TMC1: variants seen among roughly 807,000 people sequenced by gnomAD.
The protein encoded by TMC1 is transmembrane channel-like protein 1.
Under a neutral mutation model 105.8 loss-of-function variants are expected in TMC1, and 84 were observed. That is an observed-to-expected ratio of 0.79 (90% CI 0.67 to 0.95). TMC1 has a LOEUF of 0.95. Among genes scored for constraint, TMC1 ranks in the 40% least tolerant of loss-of-function variants. The pLI is 0.00. For synonymous variants in TMC1, 315 were observed against 311.5 expected, an observed-to-expected ratio of 1.01 and a Z score of -0.12; for missense variants, 817 against 914.1, an observed-to-expected ratio of 0.89 and a Z score of 1.37.
chr9:72,769,145 C>T (rs927533677), intron 12 of TMC1, among the ~76,000 whole-genome samples: 6 of 152,236 alleles, frequency 3.9e-5, no homozygotes. Context: ...GACACTGTCA[C>T]TCATTAGTCA....
chr9:72,838,208 A>C lies in TMC1; in HGVS notation c.*2235A>C, dbSNP rs1478248298. The C allele has an allele frequency of 6.6e-6, 1 of 152,258 alleles. No homozygotes were observed. The highest frequency in any genetic ancestry group is 1.5e-5 in the Non-Finnish European group (1 of 68,040). 9.4% of individuals were successfully genotyped at this position (152,258 alleles called of 1,614,324 possible). A position where few individuals can be genotyped will look rare whatever the true frequency, so the allele number is the denominator to read the frequency against. ...GAAAACATTTTACTATGATGTAAGAAATGGATTATCTGTTGATAGGCTGAG... is the reference window on the plus strand; with the variant it reads ...GAAAACATTTTACTATGATGTAAGACATGGATTATCTGTTGATAGGCTGAG... On this transcript the variant is annotated 3_prime_UTR_variant, in exon 24 of 24. Coordinates refer to ENST00000297784, the MANE Select transcript of TMC1 (RefSeq NM_138691.3).
chr9:72,789,675 C>T (rs1828232224), intron 15 of TMC1, among the ~76,000 whole-genome samples: 1 of 152,214 alleles, frequency 6.6e-6, no homozygotes, highest in Admixed American at 6.5e-5. Flanking sequence ...GGAATCTTGA[C>T]TTCGAGTCCA....
At chr9:72,584,553 C>T (rs1049972885) in intron 2 of TMC1, among the ~76,000 whole-genome samples, 1 of 151,992 alleles carries the variant, frequency 6.6e-6, no homozygotes, top group South Asian at 2.1e-4. Flanking sequence ...AGGCATGAGC[C>T]ACCGCACCCA....
At chr9:72,696,253 C>T (rs974559359) in intron 7 of TMC1, among the ~76,000 whole-genome samples, 2 of 152,176 alleles carry the variant, frequency 1.3e-5, no homozygotes, top group Non-Finnish European at 1.5e-5. Flanking sequence ...GTGGCTATGA[C>T]AGTGTCTCTT....
chr9:72,546,343 TTTC>T (rs1251903675), intron 1 of TMC1, among the ~76,000 whole-genome samples: 2 of 152,142 alleles, frequency 1.3e-5, no homozygotes, highest in African/African-American at 2.4e-5. Context: ...CTGCTGAAAT[TTTC>T]TTCTTCTGCA....
At chr9:72,674,402 G>T (rs564877640) in intron 5 of TMC1, among the ~76,000 whole-genome samples, 1 of 152,206 alleles carries the variant, frequency 6.6e-6, no homozygotes, top group South Asian at 2.1e-4. Context: ...TAAAGCTACA[G>T]TAATCAAGAC....
intron 3 of TMC1, among the ~76,000 whole-genome samples, chr9:72,623,147 G>GTTTTTTTTTTTTTTCTTT (rs1169729872): frequency 8.8e-6 from 1 of 113,678 alleles, no homozygotes; most frequent in Non-Finnish European, 1.7e-5. Context: ...CTCTCTCCCT[G>GTTTTTTTTTTTTTTCTTT]TTTTTTTTTT....
intron 8 of TMC1, among the ~76,000 whole-genome samples, chr9:72,736,785 T>C (rs954045000): frequency 3.3e-5 from 5 of 152,160 alleles, no homozygotes; most frequent in Non-Finnish European, 7.3e-5. Flanking sequence ...ACATGATGTA[T>C]GGGTTCCTAA....
chr9:72,557,455 G>GTTA (rs1447357332), intron 1 of TMC1, among the ~76,000 whole-genome samples: 5 of 152,128 alleles, frequency 3.3e-5, no homozygotes, highest in Admixed American at 2.0e-4. Context: ...TTTCTCTACT[G>GTTA]TTCTAAAAAA....
At chr9:72,664,437 G>A (rs1826011938) in intron 5 of TMC1, among the ~76,000 whole-genome samples, 1 of 152,156 alleles carries the variant, frequency 6.6e-6, no homozygotes, top group African/African-American at 2.4e-5. Flanking sequence ...ATGGGAATAG[G>A]CATTCCTGTT....
chr9:72,608,124 T>G (rs777810551), intron 2 of TMC1, among the ~76,000 whole-genome samples: 3 of 152,214 alleles, frequency 2.0e-5, no homozygotes, highest in Non-Finnish European at 4.4e-5. Context: ...AGATCTGCTT[T>G]TTTTGTGTGG....
At chr9:72,551,209 T>G (rs558427813) in intron 1 of TMC1, among the ~76,000 whole-genome samples, 1 of 152,324 alleles carries the variant, frequency 6.6e-6, no homozygotes, top group East Asian at 1.9e-4. Context: ...GATTTTGAAC[T>G]TCTGACTTCC....
At chr9:72,706,890 T>C (rs1233839716) in intron 8 of TMC1, among the ~76,000 whole-genome samples, 1 of 151,940 alleles carries the variant, frequency 6.6e-6, no homozygotes, top group Admixed American at 6.6e-5. Context: ...TTTTCCTGCC[T>C]CAGCCTCCTG....
At chr9:72,731,661 G>T (rs1827213795) in intron 8 of TMC1, among the ~76,000 whole-genome samples, 2 of 152,100 alleles carry the variant, frequency 1.3e-5, no homozygotes, top group Admixed American at 1.3e-4. Flanking sequence ...ACTAATAACA[G>T]AATGAATTCT....
intron 12 of TMC1, among the ~76,000 whole-genome samples, chr9:72,766,172 C>T (rs1827832376): frequency 6.6e-6 from 1 of 151,930 alleles, no homozygotes; most frequent in South Asian, 2.1e-4. Context: ...AATCCCAGCA[C>T]TTTGGGAGGC....
At chr9:72,793,601 G>T (rs1164882827) in intron 17 of TMC1, among the ~76,000 whole-genome samples, 1 of 152,178 alleles carries the variant, frequency 6.6e-6, no homozygotes, top group African/African-American at 2.4e-5. Context: ...TCCTACAGGT[G>T]CGTTTGGGCC....
Position 72,751,939 on chromosome 9 carries a change from CTCA to C in TMC1, c.630_632del (p.Ile210del), listed in dbSNP as rs1489906089. On this transcript the variant is annotated inframe_deletion, in exon 11 of 24. Transcript: ENST00000297784. ...GGTTCTCTTTATCCTGACATTTAGC[CTCA>C]TCATGTTGCCAGAGGTGAGATCTGA... 1 of 1,610,130 alleles carries C rather than the reference CTCA, an allele frequency of 6.2e-7. No homozygotes were observed. Among genetic ancestry groups the C allele is most frequent in the Non-Finnish European group, 8.5e-7 (1 of 1,176,612 alleles).
At chr9:72,725,325 GTATATATATATA>G (rs57562145) in intron 8 of TMC1, among the ~76,000 whole-genome samples, 1,015 of 77,674 alleles carry the variant, frequency 0.013, 22 homozygotes, top group Middle Eastern at 0.026. Context: ...ATGTGTGTAT[GTATATATATATA>G]TATATATATA....
chr9:72,554,919 C>T (rs1178515780), intron 1 of TMC1, among the ~76,000 whole-genome samples: 3 of 152,112 alleles, frequency 2.0e-5, no homozygotes, highest in Admixed American at 6.5e-5. Flanking sequence ...CACTCTGCTG[C>T]CCAGGCCAAA....
Sources: gnomAD v4.1 joint callset for allele counts (sites outside exome capture counted in the v4.1 genomes callset) on GRCh38, gnomAD v4.1.1 for gene constraint, MANE v1.5 for transcripts, NCBI Gene and HGNC (gene_info 2026-07-23, HGNC 2026-07-21) for gene names.